Variants in PTPRM observed in about 807,000 individuals in gnomAD.
The protein encoded by PTPRM is protein tyrosine phosphatase receptor type M.
Under a neutral mutation model 186.7 loss-of-function variants are expected in PTPRM, and 47 were observed. The observed-to-expected ratio is 0.25, with a 90% CI of 0.20 to 0.32. The LOEUF is 0.32. PTPRM is among the 10% of genes least tolerant of loss of function. The pLI, the probability that PTPRM is intolerant of heterozygous loss-of-function variation, is 1.00. For missense variants in PTPRM, 1,494 were observed against 1,865.0 expected (o/e 0.80, Z 3.66); for synonymous variants, 668 against 674.9 (o/e 0.99, Z 0.16).
chr18:7,762,656 G>T (rs1184854585), intron 1 of PTPRM, among the ~76,000 whole-genome samples: 2 of 152,128 alleles, frequency 1.3e-5, no homozygotes, highest in Admixed American at 1.3e-4. Context: ...ACTGGAGAGA[G>T]CAGAATCCAG....
chr18:7,894,030 C>A (rs1405036600), intron 3 of PTPRM, among the ~76,000 whole-genome samples: 2 of 151,878 alleles, frequency 1.3e-5, no homozygotes, highest in East Asian at 1.9e-4. Flanking sequence ...AACAAACAAA[C>A]AAAAAAACAA....
At chr18:7,737,603 G>A (rs589371) in intron 1 of PTPRM, among the ~76,000 whole-genome samples, 97,969 of 152,132 alleles carry the variant, frequency 0.64, 33,624 homozygotes, top group East Asian at 0.99. Flanking sequence ...CTGTGGACTG[G>A]CTGGTAAGTA....
intron 19 of PTPRM, among the ~76,000 whole-genome samples, chr18:8,286,722 A>T (rs2094960863): frequency 6.6e-6 from 1 of 152,214 alleles, no homozygotes; most frequent in Admixed American, 6.5e-5. Context: ...TGGCAGAGTA[A>T]ATTGAGATGT....
intron 1 of PTPRM, among the ~76,000 whole-genome samples, chr18:7,706,013 A>G (rs927938921): frequency 1.4e-5 from 2 of 148,144 alleles, no homozygotes; most frequent in South Asian, 2.1e-4. Flanking sequence ...TATAATATAT[A>G]TACTATAATA....
At chr18:7,797,239 C>T (rs1289894279) in intron 2 of PTPRM, among the ~76,000 whole-genome samples, 1 of 152,226 alleles carries the variant, frequency 6.6e-6, no homozygotes, top group Middle Eastern at 3.2e-3. Flanking sequence ...CTGGCCTTGC[C>T]TGCCTCCCTG....
chr18:7,838,239 A>T (rs1452298277), intron 2 of PTPRM, among the ~76,000 whole-genome samples: 2 of 152,172 alleles, frequency 1.3e-5, no homozygotes, highest in Admixed American at 1.3e-4. Context: ...AAGGGGGAAA[A>T]GTCCTTTATG....
chr18:7,596,177 C>T (rs2037253501), intron 1 of PTPRM, among the ~76,000 whole-genome samples: 1 of 152,126 alleles, frequency 6.6e-6, no homozygotes, highest in Admixed American at 6.5e-5. Context: ...GACTTGAGCA[C>T]AGGCACTGTC....
At chr18:7,965,405 G>A (rs1286384471) in intron 7 of PTPRM, among the ~76,000 whole-genome samples, 1 of 152,174 alleles carries the variant, frequency 6.6e-6, no homozygotes, top group Non-Finnish European at 1.5e-5. Context: ...TTTGCTTAGA[G>A]CTAGAAGGCT....
chr18:7,578,437 G>A (rs1232056367), intron 1 of PTPRM, among the ~76,000 whole-genome samples: 2 of 150,000 alleles, frequency 1.3e-5, no homozygotes, highest in East Asian at 4.0e-4. Context: ...CCAGGTTCAT[G>A]CCATTCTCCT....
chr18:8,259,110 G>A (rs984304404), intron 19 of PTPRM, among the ~76,000 whole-genome samples: 3 of 151,894 alleles, frequency 2.0e-5, no homozygotes, highest in Admixed American at 6.6e-5. Flanking sequence ...GACCATGCCC[G>A]GCTCATTTTT....
At chr18:7,942,376 T>C (rs1436342357) in intron 5 of PTPRM, among the ~76,000 whole-genome samples, 1 of 152,114 alleles carries the variant, frequency 6.6e-6, no homozygotes, top group Non-Finnish European at 1.5e-5. Context: ...ACTGTGTTTT[T>C]ATGGACAGTC....
At chr18:8,133,660 G>A (rs2092568656) in intron 13 of PTPRM, among the ~76,000 whole-genome samples, 1 of 152,102 alleles carries the variant, frequency 6.6e-6, no homozygotes, top group Non-Finnish European at 1.5e-5. Flanking sequence ...CAAAGGCCTT[G>A]GGAAGGGAAA....
chr18:8,017,763 C>G (rs1269002373), intron 7 of PTPRM: 1 of 152,070 alleles, frequency 6.6e-6, no homozygotes, highest in African/African-American at 2.4e-5. Context: ...GGTGATATCA[C>G]AAAGGCCACT....
rs1467317633 is a variant in PTPRM, at chr18:8,071,862, G to T, written c.1441+1868G>T. Among the ~76,000 whole-genome samples the T allele has an allele frequency of 3.3e-5, 5 of 152,246 alleles. No homozygotes were observed. In the East Asian group the frequency reaches 9.6e-4, roughly 29 times the overall value. On this transcript the variant is annotated intron_variant, in intron 8 of 32. Transcript: ENST00000580170. Reference sequence around the variant, plus strand: ...CTCTGACCTTAATTGTACTTCATAAGATCCTTAACTCTCTGACCCTCAATT... The same window carrying T: ...CTCTGACCTTAATTGTACTTCATAATATCCTTAACTCTCTGACCCTCAATT...
chr18:7,616,790 A>T (rs1160839387), intron 1 of PTPRM, among the ~76,000 whole-genome samples: 1 of 152,036 alleles, frequency 6.6e-6, no homozygotes, highest in Non-Finnish European at 1.5e-5. Flanking sequence ...CTGTCTTCCC[A>T]CTTGGGGTGG....
chr18:8,118,809 AAAAT>A (rs1243271268), intron 13 of PTPRM, among the ~76,000 whole-genome samples: 2 of 134,840 alleles, frequency 1.5e-5, no homozygotes, highest in East Asian at 4.2e-4. Context: ...CAAAAAAAAA[AAAAT>A]ATATATATAT....
chr18:7,875,315 G>T (rs117898769), intron 2 of PTPRM, among the ~76,000 whole-genome samples: 5,816 of 151,542 alleles, frequency 0.038, 136 homozygotes, highest in Middle Eastern at 0.11. Flanking sequence ...AACATTCTTG[G>T]TAACGTGCAC....
intron 9 of PTPRM, among the ~76,000 whole-genome samples, chr18:8,084,888 TC>T (rs3838905): frequency 0.022 from 3,390 of 152,244 alleles, 53 homozygotes; most frequent in African/African-American, 0.047. Flanking sequence ...TTCAAACACT[TC>T]AGACTCATCC....
At chr18:7,879,168 G>A (rs1486046960) in intron 2 of PTPRM, among the ~76,000 whole-genome samples, 1 of 152,158 alleles carries the variant, frequency 6.6e-6, no homozygotes, top group African/African-American at 2.4e-5. Context: ...TAAAAGGAGA[G>A]CACATTGCTT....
Sources: allele counts gnomAD v4.1 joint callset (sites outside exome capture counted in the v4.1 genomes callset), GRCh38; gene constraint gnomAD v4.1.1; transcripts MANE v1.5; gene names NCBI Gene and HGNC (gene_info 2026-07-23, HGNC 2026-07-21).